GPR137C: variants seen among roughly 807,000 people sequenced by gnomAD.
GPR137C encodes G protein-coupled receptor 137C.
In GPR137C, 27 loss-of-function variants were observed where a neutral mutation model predicts 43.4. The ratio of observed to expected loss-of-function variants is 0.62; its 90% CI spans 0.46 to 0.86. The LOEUF is 0.86. GPR137C is among the 40% of genes least tolerant of loss of function. GPR137C has a pLI of 0.00. For synonymous variants in GPR137C, 285 were observed against 226.9 expected (o/e 1.26, Z -2.30); for missense variants, 522 against 534.6 (o/e 0.98, Z 0.23).
At chr14:52,589,988 T>TA (rs1255251332) in intron 1 of GPR137C, among the ~76,000 whole-genome samples, 7 of 151,978 alleles carry the variant, frequency 4.6e-5, no homozygotes, top group South Asian at 2.1e-4. Flanking sequence ...TTCTACTTAT[T>TA]AAAAAAAAGT....
chr14:52,559,896 C>T (rs2038254347), intron 1 of GPR137C, among the ~76,000 whole-genome samples: 1 of 152,146 alleles, frequency 6.6e-6, no homozygotes, highest in Admixed American at 6.5e-5. Context: ...CATGGTAGCT[C>T]ACGCCTTTAA....
chr14:52,623,838 A>G (rs1478600476), intron 3 of GPR137C, among the ~76,000 whole-genome samples: 2 of 152,128 alleles, frequency 1.3e-5, no homozygotes, highest in African/African-American at 4.8e-5. Context: ...GCTAAAATAT[A>G]TAACACAAAA....
chr14:52,633,116 G>A (rs1260034228), intron 4 of GPR137C, among the ~76,000 whole-genome samples: 2 of 152,032 alleles, frequency 1.3e-5, no homozygotes, highest in African/African-American at 2.4e-5. Flanking sequence ...CATATTTTAA[G>A]TAGAGCTGAG....
At chr14:52,571,204 A>G (rs2038462558) in intron 1 of GPR137C, among the ~76,000 whole-genome samples, 2 of 152,232 alleles carry the variant, frequency 1.3e-5, no homozygotes, top group African/African-American at 2.4e-5. Flanking sequence ...GCACAACTAC[A>G]TGAAAACTGA....
At chr14:52,615,148 G>A (rs1369007864) in intron 3 of GPR137C, among the ~76,000 whole-genome samples, 2 of 152,154 alleles carry the variant, frequency 1.3e-5, no homozygotes, top group Non-Finnish European at 2.9e-5. Context: ...AGAGATAAGG[G>A]TACAGTTTCA....
At chr14:52,624,424 G>C (rs1374225508) in intron 3 of GPR137C, among the ~76,000 whole-genome samples, 1 of 152,068 alleles carries the variant, frequency 6.6e-6, no homozygotes, top group Non-Finnish European at 1.5e-5. Flanking sequence ...GTGTGGAGTA[G>C]GAAAAAGTAA....
chr14:52,581,624 G>A (rs1229452792), intron 1 of GPR137C, among the ~76,000 whole-genome samples: 2 of 152,020 alleles, frequency 1.3e-5, no homozygotes, highest in African/African-American at 4.8e-5. Context: ...TATTTTATTT[G>A]CAGGCAATAA....
chr14:52,594,785 T>C (rs2038831264), intron 1 of GPR137C, among the ~76,000 whole-genome samples: 1 of 152,206 alleles, frequency 6.6e-6, no homozygotes, highest in Non-Finnish European at 1.5e-5. Flanking sequence ...TGCCAGTCTG[T>C]GTCTTTTAAC....
At chr14:52,627,887 C>T (rs934716768) in intron 3 of GPR137C, among the ~76,000 whole-genome samples, 1 of 152,074 alleles carries the variant, frequency 6.6e-6, no homozygotes, top group African/African-American at 2.4e-5. Context: ...GTAGTGCTTT[C>T]CTATGGAATT....
intron 1 of GPR137C, among the ~76,000 whole-genome samples, chr14:52,586,841 C>T (rs1394529303): frequency 6.6e-6 from 1 of 152,178 alleles, no homozygotes; most frequent in Non-Finnish European, 1.5e-5. Flanking sequence ...GTGGTGCCCT[C>T]ATTCTATCAA....
chr14:52,602,583 A>G (rs2038939293), intron 3 of GPR137C, among the ~76,000 whole-genome samples: 1 of 152,118 alleles, frequency 6.6e-6, no homozygotes, highest in African/African-American at 2.4e-5. Context: ...TTTATTATCC[A>G]GGAACGGCTT....
rs563388058 is a variant in GPR137C, at chr14:52,612,622, C to T, written c.717+12281C>T. 3.9e-5 allele frequency: 22 copies of T among 564,622 alleles called. No individual in the cohort carries two copies. In the East Asian group the frequency reaches 1.0e-3, roughly 26 times the overall value. 35.0% of individuals were successfully genotyped at this position (564,622 alleles called of 1,614,324 possible). ...TGTCACCCAGGCTGGAATGTAGTGG[C>T]GCAATTATAGCTTACTGTAACCTCA... On this transcript the variant is annotated intron_variant, in intron 3 of 6. Transcript: ENST00000321662.
At chr14:52,563,512 G>A (rs916833623) in intron 1 of GPR137C, among the ~76,000 whole-genome samples, 1 of 151,998 alleles carries the variant, frequency 6.6e-6, no homozygotes, top group African/African-American at 2.4e-5. Flanking sequence ...ACCAGGCACA[G>A]TTCTGCCTGT....
intron 3 of GPR137C, among the ~76,000 whole-genome samples, chr14:52,627,535 A>G (rs2039241920): frequency 6.6e-6 from 1 of 152,060 alleles, no homozygotes; most frequent in Non-Finnish European, 1.5e-5. Flanking sequence ...ACGACAATGC[A>G]GATGATCTAA....
At chr14:52,594,959 G>GT (rs1244676576) in intron 1 of GPR137C, among the ~76,000 whole-genome samples, 1 of 152,112 alleles carries the variant, frequency 6.6e-6, no homozygotes, top group Non-Finnish European at 1.5e-5. Flanking sequence ...GCTGGTACCG[G>GT]TGTTTCTTTC....
At chr14:52,568,362 C>T (rs551708179) in intron 1 of GPR137C, among the ~76,000 whole-genome samples, 52 of 152,274 alleles carry the variant, frequency 3.4e-4, no homozygotes, top group African/African-American at 1.2e-3. Flanking sequence ...GGGTTTCAAG[C>T]ACAAAACTGG....
At chr14:52,597,901 AT>A (rs2038875850) in intron 1 of GPR137C, among the ~76,000 whole-genome samples, 1 of 152,218 alleles carries the variant, frequency 6.6e-6, no homozygotes, top group South Asian at 2.1e-4. Context: ...CCATATTCAT[AT>A]TTAAGCAAGA....
chr14:52,594,750 A>G (rs867475498), intron 1 of GPR137C, among the ~76,000 whole-genome samples: 1 of 152,104 alleles, frequency 6.6e-6, no homozygotes, highest in African/African-American at 2.4e-5. Flanking sequence ...CAGCACACCA[A>G]TGGGTCTTGA....
At chr14:52,573,748 C>A (rs776887220) in intron 1 of GPR137C, among the ~76,000 whole-genome samples, 6 of 152,174 alleles carry the variant, frequency 3.9e-5, no homozygotes, top group Non-Finnish European at 8.8e-5. Flanking sequence ...TAAAGAACTT[C>A]TGCACAGCAA....
Sources: allele counts gnomAD v4.1 joint callset (sites outside exome capture counted in the v4.1 genomes callset), GRCh38; gene constraint gnomAD v4.1.1; transcripts MANE v1.5; gene names NCBI Gene and HGNC (gene_info 2026-07-23, HGNC 2026-07-21).